The following UBE2O variants were observed in gnomAD, a reference collection of about 807,000 sequenced individuals.
UBE2O encodes the protein ubiquitin conjugating enzyme E2 O, also known as (E3-independent) E2 ubiquitin-conjugating enzyme.
Under a neutral mutation model 125.8 loss-of-function variants are expected in UBE2O, and 15 were observed. The ratio of observed to expected loss-of-function variants is 0.12; its 90% CI spans 0.08 to 0.18. The LOEUF is 0.18. UBE2O is among the 10% of genes least tolerant of loss of function. The pLI, the probability that UBE2O is intolerant of heterozygous loss-of-function variation, is 1.00. For synonymous variants in UBE2O, 708 were observed against 703.2 expected, an observed-to-expected ratio of 1.01 and a Z score of -0.11; for missense variants, 1,280 against 1,723.6, an observed-to-expected ratio of 0.74 and a Z score of 4.56.
intron 1 of UBE2O, among the ~76,000 whole-genome samples, chr17:76,406,991 T>G (rs1439359938): frequency 6.6e-6 from 1 of 152,136 alleles, no homozygotes; most frequent in Non-Finnish European, 1.5e-5. Flanking sequence ...AGCCACTGCA[T>G]CCAGGTATGA....
In UBE2O at chr17:76,391,286, T is replaced by G. The variant is rs758513467; in HGVS notation, c.3536A>C (p.Asp1179Ala). 1 of 1,612,732 alleles carries G rather than the reference T, an allele frequency of 6.2e-7. No individual in the cohort carries two copies. The highest frequency in any genetic ancestry group is 1.1e-5 in the South Asian group (1 of 91,060). ...ATCCTCAGGTTCTTGTTGGCCGGAG[T>G]CTGACAGCTCGGCTACAGCTGGGGG... The part of the protein sequence containing the change: ...PEPPAVAELS[D>A]SGQQEPEDGG... The change falls in exon 18 of 18, where the codon GAC becomes GCC. Residue 1179 changes from aspartate to alanine, a missense_variant. Asp to Ala is a moderately radical substitution (Grantham distance 126). This residue lies in a region of UBE2O where 233 missense variants were observed against 279.0 expected (regional missense o/e 0.84). Transcript: ENST00000319380. The surrounding 1 kb of genome is among the most constrained non-coding windows in gnomAD (Gnocchi z 8.4).
At chr17:76,426,684 G>T (rs1178921909) in intron 1 of UBE2O, among the ~76,000 whole-genome samples, 1 of 152,112 alleles carries the variant, frequency 6.6e-6, no homozygotes, top group Non-Finnish European at 1.5e-5. Flanking sequence ...ACAGTTCAAA[G>T]AACTTAAGAG....
rs1456124020 is a variant in UBE2O, at chr17:76,402,791, G to C, written c.589-92C>G. On this transcript the variant is annotated intron_variant, in intron 3 of 17. Coordinates refer to ENST00000319380, the MANE Select transcript of UBE2O (RefSeq NM_022066.4). This position sits in a 1 kb window ranked among gnomAD's most constrained non-coding sequence, Gnocchi z 5.4. Reference sequence around the variant, plus strand: ...CTCTATGCCCCACCGAAGACAGGATGGGGGAGGATCTAGACAGCTCACTGA... The same window carrying C: ...CTCTATGCCCCACCGAAGACAGGATCGGGGAGGATCTAGACAGCTCACTGA... 1.4e-5 allele frequency: 15 copies of C among 1,108,012 alleles called. No homozygotes were observed. The African/African-American group carries it at 1.7e-4, about 12-fold the overall frequency. 68.6% of individuals were successfully genotyped at this position (1,108,012 alleles called of 1,614,324 possible).
chr17:76,398,920 T>C lies in UBE2O; in HGVS notation c.1700A>G (p.Asn567Ser), dbSNP rs141373479. 13 of 1,613,998 alleles carry C rather than the reference T, an allele frequency of 8.1e-6. No homozygotes were observed. In the African/African-American group the frequency reaches 1.2e-4, roughly 15 times the overall value. The change falls in exon 10 of 18, where the codon AAC becomes AGC. Residue 567 changes from asparagine (N) to serine (S), a missense_variant. Asn to Ser is a conservative substitution (Grantham distance 46). This residue lies in a region of UBE2O where 145 missense variants were observed against 219.6 expected (regional missense o/e 0.66). Coordinates refer to ENST00000319380, the MANE Select transcript of UBE2O (RefSeq NM_022066.4). This position sits in a 1 kb window ranked among gnomAD's most constrained non-coding sequence, Gnocchi z 5.4. ...VMWQDGSVECNIRSNDLFPVH... is the reference protein window; with the variant it reads ...VMWQDGSVECSIRSNDLFPVH... ...AGGGAAGAGGTCGTTGGAGCGGATGTTGCATTCCACGGAGCCATCCTGCCA... is the reference window on the plus strand; with the variant it reads ...AGGGAAGAGGTCGTTGGAGCGGATGCTGCATTCCACGGAGCCATCCTGCCA...
At chr17:76,442,523 G>A (rs929511744) in intron 1 of UBE2O, among the ~76,000 whole-genome samples, 4 of 152,234 alleles carry the variant, frequency 2.6e-5, no homozygotes, top group African/African-American at 9.6e-5. Flanking sequence ...CTGCATGTGC[G>A]TGATAGCACA....
At position 76,400,878 on chromosome 17, in the gene UBE2O, C is replaced by T. The variant is rs541070771; in HGVS notation, c.894+133G>A. 4.7e-5 allele frequency: 54 copies of T among 1,152,488 alleles called. No homozygotes were observed. The African/African-American group carries it at 7.0e-4, about 15-fold the overall frequency. 71.4% of individuals were successfully genotyped at this position (1,152,488 alleles called of 1,614,324 possible). A position where few individuals can be genotyped will look rare whatever the true frequency, so the allele number is the denominator to read the frequency against. On this transcript the variant is annotated intron_variant, in intron 6 of 17. Transcript: ENST00000319380. This position sits in a 1 kb window ranked among gnomAD's most constrained non-coding sequence, Gnocchi z 4.3. The stretch of plus-strand genomic sequence containing the variant: ...CTGGGTTCCCTTTATCCCCAAAGCC[C>T]TTTGAGATCAACAGGGTCCAGATGC...
intron 1 of UBE2O, among the ~76,000 whole-genome samples, chr17:76,415,795 C>G (rs922078209): frequency 2.0e-4 from 29 of 143,200 alleles, no homozygotes; most frequent in African/African-American, 7.5e-4. Context: ...CAGAGCAAGA[C>G]TGTGTGTGTG....
In UBE2O at chr17:76,405,629, G is replaced by C; in HGVS notation, c.418-57C>G. On this transcript the variant is annotated intron_variant, in intron 1 of 17. Coordinates refer to ENST00000319380, the MANE Select transcript of UBE2O (RefSeq NM_022066.4). This position sits in a 1 kb window ranked among gnomAD's most constrained non-coding sequence, Gnocchi z 6.1. ...GACTCTGAAGCCACCACAGAATACA[G>C]TTTTCTTCCAGCTTCTGAAGGAAAG... 6.9e-7 allele frequency: 1 copy of C among 1,449,496 alleles called. No homozygotes were observed. Among genetic ancestry groups the C allele is most frequent in the Middle Eastern group, 1.7e-4 (1 of 5,768 alleles). 89.8% of individuals were successfully genotyped at this position (1,449,496 alleles called of 1,614,324 possible). A position where few individuals can be genotyped will look rare whatever the true frequency, so the allele number is the denominator to read the frequency against.
At chr17:76,415,770 C>G (rs1415713732) in intron 1 of UBE2O, among the ~76,000 whole-genome samples, 1 of 150,940 alleles carries the variant, frequency 6.6e-6, no homozygotes, top group Non-Finnish European at 1.5e-5. Flanking sequence ...CGCCACTGCA[C>G]TCCAGCTTGG....
chr17:76,418,707 C>CTGTA (rs1269455808), intron 1 of UBE2O, among the ~76,000 whole-genome samples: 7 of 152,008 alleles, frequency 4.6e-5, no homozygotes, highest in Non-Finnish European at 7.4e-5. Flanking sequence ...GTAGCTGGGA[C>CTGTA]TACAGGCACC....
At position 76,443,437 on chromosome 17, in the gene UBE2O, C is replaced by T. The variant is rs112867362; in HGVS notation, c.417+9288G>A. Among the ~76,000 whole-genome samples, 606 of 152,198 alleles carry T rather than the reference C, an allele frequency of 4.0e-3. 2 individuals carry two copies. Among genetic ancestry groups the T allele is most frequent in the African/African-American group, 0.014 (572 of 41,530 alleles). ...CCGAGTAGCTGGGATCACAGGCACC[C>T]ACCACCACGCATGGCTAATTTTTGC... On this transcript the variant is annotated intron_variant, in intron 1 of 17. Coordinates refer to ENST00000319380, the MANE Select transcript of UBE2O (RefSeq NM_022066.4).
intron 1 of UBE2O, among the ~76,000 whole-genome samples, chr17:76,423,729 A>AAATAAATAAAT (rs1567847288): frequency 1.3e-4 from 7 of 55,408 alleles, no homozygotes; most frequent in African/African-American, 4.1e-4. Flanking sequence ...AATAAATAAA[A>AAATAAATAAAT]AATAAGGTCA....
rs1432190543 is a variant in UBE2O, at chr17:76,399,790, A to C, written c.1287T>G (p.Ser429=). The C allele has an allele frequency of 6.2e-7, 1 of 1,614,196 alleles. No homozygotes were observed. Among genetic ancestry groups the C allele is most frequent in the African/African-American group, 1.3e-5 (1 of 75,052 alleles). ...CATCGGGCGTCTCCTCAGGGCTGGC[A>C]GACTCCGCTTCGCTCTTGGTTTTGG... ...GESKTKSEAE[S]ASPEETPDGS... The change falls in exon 9 of 18, where the codon TCT becomes TCG. Residue 429 remains serine, a synonymous_variant. Coordinates refer to ENST00000319380, the MANE Select transcript of UBE2O (RefSeq NM_022066.4). The surrounding 1 kb of genome is among the most constrained non-coding windows in gnomAD (Gnocchi z 6.9).
chr17:76,403,969 G>A (rs554815973), intron 3 of UBE2O, among the ~76,000 whole-genome samples: 1 of 152,050 alleles, frequency 6.6e-6, no homozygotes, highest in South Asian at 2.1e-4. Flanking sequence ...TATAACCAAT[G>A]AATAAAACAG....
At chr17:76,446,887 T>C (rs1483719010) in intron 1 of UBE2O, among the ~76,000 whole-genome samples, 1 of 152,196 alleles carries the variant, frequency 6.6e-6, no homozygotes, top group African/African-American at 2.4e-5. Flanking sequence ...AAAGGTTCTC[T>C]AGAAATGCAA....
chr17:76,394,280 C>CTA (rs2072165797), intron 15 of UBE2O, among the ~76,000 whole-genome samples: 1 of 152,224 alleles, frequency 6.6e-6, no homozygotes, highest in Admixed American at 6.5e-5. Flanking sequence ...GATTCAGAGT[C>CTA]TAGCATAGTG....
intron 1 of UBE2O, among the ~76,000 whole-genome samples, chr17:76,446,684 G>A (rs976793806): frequency 2.0e-5 from 3 of 152,182 alleles, no homozygotes; most frequent in South Asian, 2.1e-4. Context: ...GCAGCAGAGC[G>A]GACAGGAGGT....
In UBE2O at chr17:76,391,858, T is replaced by C. The variant is rs2072119675; in HGVS notation, c.3151-45A>G. The C allele has an allele frequency of 5.6e-6, 9 of 1,613,892 alleles. No homozygotes were observed. Among genetic ancestry groups the C allele is most frequent in the Non-Finnish European group, 7.6e-6 (9 of 1,179,876 alleles). On this transcript the variant is annotated intron_variant, in intron 16 of 17. Transcript: ENST00000319380. The surrounding 1 kb of genome is among the most constrained non-coding windows in gnomAD (Gnocchi z 8.4). The stretch of plus-strand genomic sequence containing the variant: ...ATCAATTCTGTTCCCCAGGCCCCTA[T>C]CCACCAGTGGCTCTTCCTCCTTCTT...
At chr17:76,408,446 T>C (rs142052486) in intron 1 of UBE2O, among the ~76,000 whole-genome samples, 1 of 152,186 alleles carries the variant, frequency 6.6e-6, no homozygotes, top group African/African-American at 2.4e-5. Flanking sequence ...TCACAAGTAG[T>C]GGAGCTGGGA....
Sources: gnomAD v4.1 joint callset for allele counts (sites outside exome capture counted in the v4.1 genomes callset) on GRCh38, gnomAD v4.1.1 for gene constraint, gnomAD v4.1.1 regional missense constraint, Gnocchi (gnomAD v3.1) non-coding constraint, MANE v1.5 for transcripts, NCBI Gene and HGNC (gene_info 2026-07-23, HGNC 2026-07-21) for gene names.